MAP3K20: variants seen among roughly 807,000 people sequenced by gnomAD.
MAP3K20 encodes the protein HCCS-4.
MAP3K20 carries 40 observed loss-of-function variants against 85.7 expected under a neutral mutation model. That is an observed-to-expected ratio of 0.47 (90% CI 0.36 to 0.61). MAP3K20 has a LOEUF of 0.61. Among genes scored for constraint, MAP3K20 ranks in the 20% least tolerant of loss-of-function variants. The probability of loss-of-function intolerance (pLI) is 0.00; values close to 1 mark genes in which losing one functional copy is unlikely to be tolerated. For synonymous variants in MAP3K20, 325 were observed against 327.7 expected, an observed-to-expected ratio of 0.99 and a Z score of 0.09; for missense variants, 817 against 961.7, an observed-to-expected ratio of 0.85 and a Z score of 1.99.
intron 2 of MAP3K20, among the ~76,000 whole-genome samples, chr2:173,115,960 G>C (rs1367596318): frequency 6.6e-6 from 1 of 151,764 alleles, no homozygotes; most frequent in Non-Finnish European, 1.5e-5. Flanking sequence ...ATGGCAGAAA[G>C]GCGAAGGGGA....
At chr2:173,160,323 A>C (rs998384917) in intron 2 of MAP3K20, 1 of 152,180 alleles carries the variant, frequency 6.6e-6, no homozygotes, top group African/African-American at 2.4e-5. Context: ...TATATACAGG[A>C]TTGAAAATCC....
intron 1 of MAP3K20, among the ~76,000 whole-genome samples, chr2:173,084,204 C>T (rs550504534): frequency 9.9e-5 from 15 of 152,138 alleles, no homozygotes; most frequent in Admixed American, 6.5e-4. Flanking sequence ...CCACTGTGCC[C>T]GGCCAAAGTA....
chr2:173,232,544 C>T, intron 14 of MAP3K20, 85 bp downstream of exon 14: 1 of 1,556,686 alleles, frequency 6.4e-7, no homozygotes. Context: ...TGCTCTGTTG[C>T]CCAGGCTGGA....
chr2:173,164,185 C>T (rs1387280922), intron 2 of MAP3K20, among the ~76,000 whole-genome samples: 1 of 152,156 alleles, frequency 6.6e-6, no homozygotes, highest in African/African-American at 2.4e-5. Flanking sequence ...GTCTCCAACT[C>T]CTGCCCTTGT....
chr2:173,094,906 C>G (rs746241100), intron 2 of MAP3K20, among the ~76,000 whole-genome samples: 3 of 152,116 alleles, frequency 2.0e-5, no homozygotes, highest in African/African-American at 4.8e-5. Flanking sequence ...TACTTTGAAG[C>G]TAAGTAAATA....
rs1455790627 is a variant in MAP3K20, at chr2:173,168,198, ATCT to A, written c.160-1601_160-1599del. Among the ~76,000 whole-genome samples, 5 of 152,168 alleles carry A rather than the reference ATCT, an allele frequency of 3.3e-5. No individual in the cohort carries two copies. The East Asian group carries it at 5.8e-4, about 18-fold the overall frequency. The stretch of plus-strand genomic sequence containing the variant: ...AATAGTTGTGTTGCACAAATAATAC[ATCT>A]TCTTCCTAGTTGAGAAACTAAACTA... On this transcript the variant is annotated intron_variant, in intron 2 of 19. Coordinates refer to ENST00000375213, the MANE Select transcript of MAP3K20 (RefSeq NM_016653.3).
intron 2 of MAP3K20, among the ~76,000 whole-genome samples, chr2:173,134,428 A>ATATATATTTTTTTTTT (rs56330241): frequency 9.5e-4 from 3 of 3,156 alleles, no homozygotes; most frequent in Non-Finnish European, 1.3e-3. Flanking sequence ...ATATATATAT[A>ATATATATTTTTTTTTT]TTTTTTTTTT....
intron 11 of MAP3K20, chr2:173,226,785 T>C (rs2106326981): frequency 1.0e-6 from 1 of 984,690 alleles, no homozygotes; most frequent in African/African-American, 1.7e-5. Context: ...ACTCTTAAAA[T>C]TTTTGTACTA....
At chr2:173,181,923 G>A (rs1690342391) in intron 3 of MAP3K20, among the ~76,000 whole-genome samples, 1 of 150,268 alleles carries the variant, frequency 6.7e-6, no homozygotes, top group Non-Finnish European at 1.5e-5. Context: ...CAGCATGGTG[G>A]TATGTGCCTG....
chr2:173,217,060 A>G, intron 10 of MAP3K20, 55 bp from the exon 11 acceptor site: 1 of 1,364,590 alleles, frequency 7.3e-7, no homozygotes, highest in Non-Finnish European at 9.5e-7. Flanking sequence ...GGACCCACTA[A>G]GCGCTTGATG....
At chr2:173,086,294 A>T (rs1687145122) in intron 1 of MAP3K20, among the ~76,000 whole-genome samples, 1 of 152,156 alleles carries the variant, frequency 6.6e-6, no homozygotes, top group Non-Finnish European at 1.5e-5. Flanking sequence ...TAGCACTCAG[A>T]TTTTTCATTC....
intron 2 of MAP3K20, among the ~76,000 whole-genome samples, chr2:173,119,356 A>G (rs952066354): frequency 6.6e-6 from 1 of 152,224 alleles, no homozygotes; most frequent in Admixed American, 6.5e-5. Context: ...AAGCTGGCCC[A>G]CAAGAGTCTT....
intron 1 of MAP3K20, among the ~76,000 whole-genome samples, chr2:173,081,447 G>A (rs894820700): frequency 2.6e-5 from 4 of 152,126 alleles, no homozygotes; most frequent in Non-Finnish European, 5.9e-5. Context: ...CATGGGATTG[G>A]TCCTAATAAA....
intron 2 of MAP3K20, among the ~76,000 whole-genome samples, chr2:173,110,884 T>C (rs1254876872): frequency 1.3e-5 from 2 of 152,252 alleles, no homozygotes; most frequent in African/African-American, 4.8e-5. Context: ...AATGCTGCTA[T>C]AAACATGCGT....
chr2:173,261,446 T>C (rs1210863834), intron 18 of MAP3K20, among the ~76,000 whole-genome samples: 1 of 152,166 alleles, frequency 6.6e-6, no homozygotes, highest in African/African-American at 2.4e-5. Flanking sequence ...TAATAGTTAA[T>C]ACTAATTTTT....
At chr2:173,078,834 C>T (rs1388827988) in intron 1 of MAP3K20, among the ~76,000 whole-genome samples, 1 of 152,074 alleles carries the variant, frequency 6.6e-6, no homozygotes, top group Non-Finnish European at 1.5e-5. Flanking sequence ...ATGTTATTAA[C>T]AAAAAGACAT....
At chr2:173,225,329 C>T in intron 11 of MAP3K20, 1 of 274,910 alleles carries the variant, frequency 3.6e-6, no homozygotes, top group Non-Finnish European at 5.6e-6. Context: ...CACGGTGGCT[C>T]ACGCCTGTAA....
At chr2:173,123,479 TGAG>T (rs1688355807) in intron 2 of MAP3K20, among the ~76,000 whole-genome samples, 1 of 152,186 alleles carries the variant, frequency 6.6e-6, no homozygotes. Context: ...TGAGAGATCT[TGAG>T]GAGAATGAGC....
rs151088502 is a variant in MAP3K20 at position 173,215,259 on chromosome 2, G to A, written c.852-1856G>A. The stretch of plus-strand genomic sequence containing the variant: ...ATGCTGTCCCCAGGCCTCTGCCATC[G>A]CACACTGAGGGCACCCAGCTCCACC... On this transcript the variant is annotated intron_variant, in intron 10 of 19. Transcript: ENST00000375213. 2.2e-3 allele frequency among the ~76,000 whole-genome samples: 331 copies of A among 151,936 alleles called. 1 individual carries two copies. Among genetic ancestry groups the A allele is most frequent in the African/African-American group, 5.1e-3 (213 of 41,420 alleles).
Sources: gnomAD v4.1 joint callset for allele counts (sites outside exome capture counted in the v4.1 genomes callset) on GRCh38, gnomAD v4.1.1 for gene constraint, MANE v1.5 for transcripts, NCBI Gene and HGNC (gene_info 2026-07-23, HGNC 2026-07-21) for gene names.